The following SEC22A variants were observed in gnomAD, a reference collection of about 807,000 sequenced individuals.
SEC22A encodes SEC22 homolog A, vesicle trafficking protein, also known as vesicle-trafficking protein SEC22a.
A neutral mutation model predicts 35.3 loss-of-function variants in SEC22A; 22 were observed. The observed-to-expected ratio is 0.62, with a 90% confidence interval of 0.45 to 0.89. The LOEUF (loss-of-function observed/expected upper bound fraction) is 0.89, where lower values mean the gene tolerates loss of function less well. SEC22A is among the 40% of genes least tolerant of loss of function. The probability of loss-of-function intolerance (pLI) is 0.00; values close to 1 mark genes in which losing one functional copy is unlikely to be tolerated. For missense variants in SEC22A, 354 were observed against 362.5 expected (o/e 0.98, Z 0.19); for synonymous variants, 119 against 129.5 (o/e 0.92, Z 0.55).
At chr3:123,264,506 G>T (rs1199631380) in intron 6 of SEC22A, among the ~76,000 whole-genome samples, 1 of 151,982 alleles carries the variant, frequency 6.6e-6, no homozygotes, top group African/African-American at 2.4e-5. Context: ...TCTTTTAAGT[G>T]TGTGGTGATA....
chr3:123,247,317 A>C (rs1937575445), intron 5 of SEC22A, among the ~76,000 whole-genome samples: 1 of 152,180 alleles, frequency 6.6e-6, no homozygotes. Context: ...TGGGTAGAGA[A>C]AATCTTGACC....
At chr3:123,269,368 C>G (rs1322490991) in intron 6 of SEC22A, among the ~76,000 whole-genome samples, 1 of 151,958 alleles carries the variant, frequency 6.6e-6, no homozygotes, top group Non-Finnish European at 1.5e-5. Flanking sequence ...AATTAATGAG[C>G]AAAAGTATGA....
intron 6 of SEC22A, among the ~76,000 whole-genome samples, chr3:123,261,751 C>A (rs1415022221): frequency 6.6e-6 from 1 of 152,082 alleles, no homozygotes; most frequent in Non-Finnish European, 1.5e-5. Flanking sequence ...GGAGGATATA[C>A]CATTATATCG....
intron 4 of SEC22A, among the ~76,000 whole-genome samples, chr3:123,240,057 T>C (rs551920171): frequency 6.6e-6 from 1 of 152,112 alleles, no homozygotes; most frequent in Non-Finnish European, 1.5e-5. Flanking sequence ...GTGAGAGCCT[T>C]GTAGAGGAGT....
At chr3:123,221,138 T>G (rs1937115936) in intron 2 of SEC22A, among the ~76,000 whole-genome samples, 1 of 151,258 alleles carries the variant, frequency 6.6e-6, no homozygotes, top group African/African-American at 2.4e-5. Context: ...AGAAAGAAAA[T>G]AGTAAGGTGA....
intron 4 of SEC22A, among the ~76,000 whole-genome samples, chr3:123,234,821 G>A (rs1480065163): frequency 6.6e-6 from 1 of 152,056 alleles, no homozygotes; most frequent in Non-Finnish European, 1.5e-5. Flanking sequence ...CCATGAGTTC[G>A]AGACCAGCCT....
At chr3:123,266,758 G>C (rs900348473) in intron 6 of SEC22A, among the ~76,000 whole-genome samples, 2 of 135,132 alleles carry the variant, frequency 1.5e-5, no homozygotes, top group Non-Finnish European at 3.1e-5. Context: ...GTATTCTGCT[G>C]TTATTGGGTG....
At chr3:123,220,462 T>C (rs1182751459) in intron 2 of SEC22A, among the ~76,000 whole-genome samples, 1 of 152,204 alleles carries the variant, frequency 6.6e-6, no homozygotes, top group African/African-American at 2.4e-5. Context: ...TTGATTTAGA[T>C]ATTAATTTGT....
At chr3:123,232,991 G>A (rs906576204) in intron 4 of SEC22A, among the ~76,000 whole-genome samples, 2 of 152,032 alleles carry the variant, frequency 1.3e-5, no homozygotes, top group East Asian at 1.9e-4. Context: ...AAAAATTAGC[G>A]TGATGGTATG....
rs535758569 is a variant in SEC22A, at chr3:123,273,534, C to T, written c.*1812C>T. ...TTTAGAAAGGGTTTCAGGCCAGGCA[C>T]GGTGACTCAGGCCTGTAATCCCAGC... On this transcript the variant is annotated 3_prime_UTR_variant, in exon 7 of 7. Transcript: ENST00000492595. 2.6e-5 allele frequency: 4 copies of T among 152,354 alleles called. No homozygotes were observed. Among genetic ancestry groups the T allele is most frequent in the South Asian group, 4.1e-4 (2 of 4,824 alleles). 9.4% of individuals were successfully genotyped at this position (152,354 alleles called of 1,614,324 possible).
intron 5 of SEC22A, among the ~76,000 whole-genome samples, chr3:123,258,189 A>G (rs1194654929): frequency 6.6e-6 from 1 of 152,166 alleles, no homozygotes; most frequent in African/African-American, 2.4e-5. Context: ...GTGTTTGTGT[A>G]GTACTGTGAA....
intron 4 of SEC22A, among the ~76,000 whole-genome samples, chr3:123,238,476 G>A (rs980867865): frequency 6.6e-5 from 10 of 152,244 alleles, no homozygotes; most frequent in South Asian, 6.2e-4. Flanking sequence ...GATTACAGAC[G>A]TGCGCCACCA....
At chr3:123,207,787 G>A (rs2108025551) in intron 1 of SEC22A, among the ~76,000 whole-genome samples, 1 of 152,276 alleles carries the variant, frequency 6.6e-6, no homozygotes, top group East Asian at 1.9e-4. Context: ...TCAGACTCAG[G>A]CCTGTGAAGT....
At chr3:123,241,000 C>G in intron 4 of SEC22A, among the ~76,000 whole-genome samples, 1 of 105,050 alleles carries the variant, frequency 9.5e-6, no homozygotes, top group East Asian at 2.4e-4. Context: ...ATCTCTCTTT[C>G]TTACACACAC....
At chr3:123,255,421 G>C (rs1021649226) in intron 5 of SEC22A, among the ~76,000 whole-genome samples, 1 of 151,790 alleles carries the variant, frequency 6.6e-6, no homozygotes, top group Non-Finnish European at 1.5e-5. Flanking sequence ...CCCTCTTCTT[G>C]GTTACTTTCA....
At chr3:123,250,477 T>C (rs1030563867) in intron 5 of SEC22A, among the ~76,000 whole-genome samples, 1 of 152,152 alleles carries the variant, frequency 6.6e-6, no homozygotes, top group Non-Finnish European at 1.5e-5. Flanking sequence ...CACTCTGGGC[T>C]TTGATATTCT....
rs7616594 is a variant in SEC22A, at chr3:123,232,836, G to A, written c.541+7539G>A. Among the ~76,000 whole-genome samples, 1,071 of 151,952 alleles carry A rather than the reference G, an allele frequency of 7.0e-3. 7 individuals carry two copies. Among genetic ancestry groups the A allele is most frequent in the African/African-American group, 0.024 (985 of 41,428 alleles). On this transcript the variant is annotated intron_variant, in intron 4 of 6. Transcript: ENST00000492595. Reference sequence around the variant, plus strand: ...ATACAAGCAAACCCAATCCAGCAACGTATTTAAAAAATTAGGCCAGGCGCT... The same window carrying A: ...ATACAAGCAAACCCAATCCAGCAACATATTTAAAAAATTAGGCCAGGCGCT...
In SEC22A at chr3:123,245,750, A is replaced by G. The variant is rs941857522; in HGVS notation, c.542-149A>G. On this transcript the variant is annotated intron_variant, in intron 4 of 6. Coordinates refer to ENST00000492595, the MANE Select transcript of SEC22A (RefSeq NM_012430.5). ...GTTGTCAAGCATTTTTCATTTTATA[A>G]CAGTATTTAATTGTGAATATATGGT... 53 of 529,604 alleles carry G rather than the reference A, an allele frequency of 1.0e-4. No individual in the cohort carries two copies. Among genetic ancestry groups the G allele is most frequent in the East Asian group, 8.9e-4 (31 of 35,006 alleles). 32.8% of individuals were successfully genotyped at this position (529,604 alleles called of 1,614,324 possible).
chr3:123,225,829 A>G (rs1044083830), intron 4 of SEC22A, among the ~76,000 whole-genome samples: 1 of 152,168 alleles, frequency 6.6e-6, no homozygotes, highest in African/African-American at 2.4e-5. Flanking sequence ...ATTAACCATC[A>G]CCCTTTCTCC....
Sources: gnomAD v4.1 joint callset for allele counts (sites outside exome capture counted in the v4.1 genomes callset) on GRCh38, gnomAD v4.1.1 for gene constraint, MANE v1.5 for transcripts, NCBI Gene and HGNC (gene_info 2026-07-23, HGNC 2026-07-21) for gene names.